Variants in EPHA7 observed in about 807,000 individuals in gnomAD.
EPHA7 encodes ephrin type-A receptor 7.
A neutral mutation model predicts 112.6 loss-of-function variants in EPHA7; 25 were observed. That is an observed-to-expected ratio of 0.22 (90% confidence interval 0.16 to 0.31). The LOEUF is 0.31. Among genes scored for constraint, EPHA7 ranks in the 10% least tolerant of loss-of-function variants. The probability of loss-of-function intolerance (pLI) is 1.00; values close to 1 mark genes in which losing one functional copy is unlikely to be tolerated. For synonymous variants in EPHA7, 437 were observed against 406.5 expected, an observed-to-expected ratio of 1.07 and a Z score of -0.90; for missense variants, 962 against 1,212.6, an observed-to-expected ratio of 0.79 and a Z score of 3.07.
intron 3 of EPHA7, among the ~76,000 whole-genome samples, chr6:93,386,608 GC>G (rs1187832035): frequency 1.3e-5 from 2 of 152,122 alleles, no homozygotes; most frequent in Admixed American, 1.3e-4. Flanking sequence ...ACTAGGCAAT[GC>G]CCCAGTGGGG....
At chr6:93,333,727 A>T (rs1265660696) in intron 5 of EPHA7, among the ~76,000 whole-genome samples, 1 of 151,820 alleles carries the variant, frequency 6.6e-6, no homozygotes, top group African/African-American at 2.4e-5. Context: ...ATTGTTTAAT[A>T]CTGCAAACTA....
chr6:93,371,771 C>G (rs964957743), intron 3 of EPHA7, among the ~76,000 whole-genome samples: 3 of 152,134 alleles, frequency 2.0e-5, no homozygotes, highest in African/African-American at 7.2e-5. Context: ...GCTGATGGTA[C>G]ATTACATCTT....
intron 7 of EPHA7, among the ~76,000 whole-genome samples, chr6:93,268,859 T>C (rs761794182): frequency 1.3e-5 from 2 of 151,844 alleles, no homozygotes; most frequent in Non-Finnish European, 2.9e-5. Context: ...AGATGAGTGG[T>C]CATAGGGATA....
At chr6:93,292,601 G>A (rs1467478994) in intron 5 of EPHA7, among the ~76,000 whole-genome samples, 4 of 152,090 alleles carry the variant, frequency 2.6e-5, no homozygotes, top group Non-Finnish European at 4.4e-5. Context: ...AATATCTATT[G>A]CTTTAGATCA....
chr6:93,274,937 A>G (rs1292740938), intron 5 of EPHA7, among the ~76,000 whole-genome samples: 1 of 151,976 alleles, frequency 6.6e-6, no homozygotes, highest in Non-Finnish European at 1.5e-5. Context: ...ATGTTAAAGT[A>G]AAATTAAAGT....
intron 5 of EPHA7, among the ~76,000 whole-genome samples, chr6:93,293,415 A>C (rs1295563101): frequency 6.6e-6 from 1 of 152,156 alleles, no homozygotes; most frequent in Non-Finnish European, 1.5e-5. Context: ...AAGAGATGTG[A>C]AGTCATATAA....
At chr6:93,270,330 C>G (rs1408406413) in intron 6 of EPHA7, among the ~76,000 whole-genome samples, 1 of 151,232 alleles carries the variant, frequency 6.6e-6, no homozygotes, top group East Asian at 1.9e-4. Flanking sequence ...TGCAAATTTA[C>G]TAAAATCAAT....
intron 3 of EPHA7, among the ~76,000 whole-genome samples, chr6:93,398,359 T>C (rs1458039507): frequency 6.6e-6 from 1 of 152,026 alleles, no homozygotes; most frequent in Non-Finnish European, 1.5e-5. Context: ...CGTCCAAATG[T>C]TACAAAAGAG....
At chr6:93,315,489 C>T (rs1773763118) in intron 5 of EPHA7, among the ~76,000 whole-genome samples, 1 of 152,120 alleles carries the variant, frequency 6.6e-6, no homozygotes, top group Non-Finnish European at 1.5e-5. Flanking sequence ...TAATATGTAA[C>T]AATCTAAATG....
intron 5 of EPHA7, among the ~76,000 whole-genome samples, chr6:93,279,398 C>T (rs1771622272): frequency 6.6e-6 from 1 of 152,070 alleles, no homozygotes; most frequent in South Asian, 2.1e-4. Context: ...ATGGTCCTTT[C>T]CCACCTCTTT....
At chr6:93,291,692 C>G (rs1173752987) in intron 5 of EPHA7, among the ~76,000 whole-genome samples, 1 of 135,480 alleles carries the variant, frequency 7.4e-6, no homozygotes, top group African/African-American at 2.7e-5. Flanking sequence ...GGCGTGAACC[C>G]GGGAGGCGGA....
At chr6:93,357,854 A>G (rs1776033952) in intron 4 of EPHA7, among the ~76,000 whole-genome samples, 2 of 152,170 alleles carry the variant, frequency 1.3e-5, no homozygotes, top group South Asian at 2.1e-4. Flanking sequence ...GGGTTTCACC[A>G]TGTTGGCCAG....
chr6:93,360,111 G>A (rs1264109601), intron 3 of EPHA7, among the ~76,000 whole-genome samples: 1 of 152,002 alleles, frequency 6.6e-6, no homozygotes, highest in African/African-American at 2.4e-5. Context: ...AGCAATTATT[G>A]CAAATATAAG....
At chr6:93,373,956 G>A (rs1299624426) in intron 3 of EPHA7, among the ~76,000 whole-genome samples, 1 of 151,938 alleles carries the variant, frequency 6.6e-6, no homozygotes, top group African/African-American at 2.4e-5. Context: ...TTAATTTTCA[G>A]AGAAATAAAG....
Position 93,255,101 on chromosome 6 carries a change from T to A in EPHA7, c.2383-305A>T, listed in dbSNP as rs191459986. Among the ~76,000 whole-genome samples the A allele has an allele frequency of 2.2e-3, 333 of 152,130 alleles. 7 individuals are homozygous for A. Among genetic ancestry groups the A allele is most frequent in the Non-Finnish European group, 7.5e-4 (51 of 67,998 alleles). On this transcript the variant is annotated intron_variant, in intron 13 of 16. Coordinates refer to ENST00000369303, the MANE Select transcript of EPHA7 (RefSeq NM_004440.4). ...GCTCACATCTGTAATCCCAGCACTT[T>A]GGGAGGCCGAAGTGGGTGGATCACC...
At chr6:93,265,047 T>C (rs1490375336) in intron 7 of EPHA7, among the ~76,000 whole-genome samples, 3 of 151,782 alleles carry the variant, frequency 2.0e-5, no homozygotes, top group African/African-American at 7.2e-5. Flanking sequence ...CAGCAAGGCA[T>C]TTGATTTTGA....
At chr6:93,348,713 T>A (rs1166349022) in intron 5 of EPHA7, among the ~76,000 whole-genome samples, 3 of 151,898 alleles carry the variant, frequency 2.0e-5, no homozygotes, top group Non-Finnish European at 4.4e-5. Context: ...TAACATTATA[T>A]CATTTGAATT....
chr6:93,327,670 A>G (rs1235360589), intron 5 of EPHA7, among the ~76,000 whole-genome samples: 1 of 151,410 alleles, frequency 6.6e-6, no homozygotes, highest in Non-Finnish European at 1.5e-5. Context: ...CATATTCCAC[A>G]TTCAGTGTGC....
At chr6:93,368,240 T>A (rs1351201098) in intron 3 of EPHA7, among the ~76,000 whole-genome samples, 2 of 152,102 alleles carry the variant, frequency 1.3e-5, no homozygotes, top group Non-Finnish European at 2.9e-5. Flanking sequence ...TACCTTAACT[T>A]GTATCTTTTA....
Sources: allele counts gnomAD v4.1 joint callset (sites outside exome capture counted in the v4.1 genomes callset), GRCh38; gene constraint gnomAD v4.1.1; transcripts MANE v1.5; gene names NCBI Gene and HGNC (gene_info 2026-07-23, HGNC 2026-07-21).